Variants in CNTN1 observed in about 807,000 individuals in gnomAD.
The protein encoded by CNTN1 is contactin-1.
A neutral mutation model predicts 126.4 loss-of-function variants in CNTN1; 38 were observed. The observed-to-expected ratio is 0.30, with a 90% confidence interval of 0.23 to 0.39. The LOEUF (loss-of-function observed/expected upper bound fraction) is 0.39. Ranked by LOEUF, CNTN1 falls within the 10% of genes least tolerant of loss-of-function variation. The pLI, the probability that CNTN1 is intolerant of heterozygous loss-of-function variation, is 1.00. For synonymous variants in CNTN1, 413 were observed against 422.6 expected (o/e 0.98, Z 0.28); for missense variants, 1,009 against 1,248.4 (o/e 0.81, Z 2.89).
intron 1 of CNTN1, among the ~76,000 whole-genome samples, chr12:40,734,958 G>A (rs1224044001): frequency 6.6e-6 from 1 of 152,106 alleles, no homozygotes; most frequent in Non-Finnish European, 1.5e-5. Flanking sequence ...GGAAAAGCAT[G>A]ATGTGCAACA....
intron 1 of CNTN1, among the ~76,000 whole-genome samples, chr12:40,886,942 C>T (rs1354494908): frequency 1.3e-5 from 2 of 152,176 alleles, no homozygotes; most frequent in Non-Finnish European, 2.9e-5. Flanking sequence ...TGTTTTGGTA[C>T]CAGTACCATG....
chr12:40,781,619 T>G (rs1226687808), intron 1 of CNTN1, among the ~76,000 whole-genome samples: 1 of 152,012 alleles, frequency 6.6e-6, no homozygotes, highest in African/African-American at 2.4e-5. Flanking sequence ...CCCATTAAAT[T>G]TCATCATTAA....
chr12:40,816,302 C>A (rs1433953811), intron 1 of CNTN1, among the ~76,000 whole-genome samples: 2 of 152,100 alleles, frequency 1.3e-5, no homozygotes, highest in Admixed American at 6.5e-5. Flanking sequence ...GGTTGGTAGG[C>A]TATTAATTAC....
At chr12:40,786,078 C>T (rs527842356) in intron 1 of CNTN1, among the ~76,000 whole-genome samples, 2 of 152,196 alleles carry the variant, frequency 1.3e-5, no homozygotes, top group Non-Finnish European at 2.9e-5. Context: ...GTAGGTCAGA[C>T]GTCCAGTATG....
At chr12:40,881,595 T>C (rs1289294537) in intron 1 of CNTN1, among the ~76,000 whole-genome samples, 1 of 151,746 alleles carries the variant, frequency 6.6e-6, no homozygotes, top group African/African-American at 2.4e-5. Flanking sequence ...CTATTTTGGG[T>C]ATCACAGCTA....
intron 19 of CNTN1, among the ~76,000 whole-genome samples, chr12:41,017,169 C>T (rs1473267169): frequency 6.6e-6 from 1 of 152,108 alleles, no homozygotes; most frequent in Non-Finnish European, 1.5e-5. Context: ...AAATAATTGG[C>T]TCTGACTTCC....
intron 18 of CNTN1, among the ~76,000 whole-genome samples, chr12:41,016,163 G>A (rs1192766594): frequency 6.6e-6 from 1 of 152,108 alleles, no homozygotes; most frequent in African/African-American, 2.4e-5. Context: ...GGGATAAAGA[G>A]GAAAACAAAA....
chr12:40,811,296 CA>C (rs1171309815), intron 1 of CNTN1, among the ~76,000 whole-genome samples: 1 of 152,146 alleles, frequency 6.6e-6, no homozygotes, highest in Non-Finnish European at 1.5e-5. Context: ...ACAGGCAACA[CA>C]ATATGCCTTT....
rs117462622 is a variant in CNTN1 at position 40,892,611 on chromosome 12, T to C, written c.-76-15746T>C. On this transcript the variant is annotated intron_variant, in intron 1 of 23. Transcript: ENST00000551295. ...GAAATAGTACCTGACTTAGTTAAGA[T>C]ATTGTGCTTCGACAGGAATGCTAAT... is the stretch of plus-strand genomic sequence containing the variant. 1.9e-3 allele frequency among the ~76,000 whole-genome samples: 285 copies of C among 152,134 alleles called. 7 individuals are homozygous for C. The East Asian group carries it at 0.037, about 20-fold the overall frequency.
chr12:41,043,731 A>G (rs1444873804), intron 23 of CNTN1, among the ~76,000 whole-genome samples: 1 of 151,974 alleles, frequency 6.6e-6, no homozygotes, highest in African/African-American at 2.4e-5. Context: ...TCCCAATAGC[A>G]AAGACTTGGA....
chr12:40,757,880 T>C (rs1255345469), intron 1 of CNTN1, among the ~76,000 whole-genome samples: 3 of 152,178 alleles, frequency 2.0e-5, no homozygotes, highest in Non-Finnish European at 4.4e-5. Flanking sequence ...TATTTTCTTA[T>C]GGCTTGACAA....
intron 1 of CNTN1, among the ~76,000 whole-genome samples, chr12:40,751,444 GT>G (rs1276524961): frequency 1.3e-5 from 2 of 151,982 alleles, no homozygotes; most frequent in African/African-American, 4.8e-5. Context: ...TACATTCTAG[GT>G]TAGGTTCTTT....
chr12:40,704,041 A>T (rs1207653987), intron 1 of CNTN1, among the ~76,000 whole-genome samples: 2 of 152,192 alleles, frequency 1.3e-5, no homozygotes, highest in Non-Finnish European at 2.9e-5. Context: ...GGTTCAAATA[A>T]CAAAAAGAAA....
At chr12:40,848,294 A>G (rs951719284) in intron 1 of CNTN1, among the ~76,000 whole-genome samples, 1 of 152,124 alleles carries the variant, frequency 6.6e-6, no homozygotes, top group Non-Finnish European at 1.5e-5. Context: ...ATTTCCCCCA[A>G]TTTCATTTAT....
intron 1 of CNTN1, among the ~76,000 whole-genome samples, chr12:40,780,810 G>T (rs1939766158): frequency 6.7e-6 from 1 of 150,348 alleles, no homozygotes; most frequent in African/African-American, 2.4e-5. Flanking sequence ...TTTTTTCAGA[G>T]GTTCAGGGTT....
intron 1 of CNTN1, among the ~76,000 whole-genome samples, chr12:40,775,169 G>C (rs1010545754): frequency 1.5e-5 from 1 of 66,994 alleles, no homozygotes; most frequent in Non-Finnish European, 4.9e-5. Context: ...TAATAGGAAA[G>C]TGGTTATTTA....
At chr12:41,000,057 G>T (rs1200979554) in intron 17 of CNTN1, among the ~76,000 whole-genome samples, 1 of 152,026 alleles carries the variant, frequency 6.6e-6, no homozygotes, top group Non-Finnish European at 1.5e-5. Context: ...CTCAGTGAAT[G>T]ATCTCTGAAG....
rs1406299160 is a variant in CNTN1 at position 40,795,301 on chromosome 12, ACACACACACACACACAC to A, written c.-77+102710_-77+102726del. 1.4e-4 allele frequency among the ~76,000 whole-genome samples: 13 copies of A among 94,728 alleles called. 1 individual carries two copies. The highest frequency in any genetic ancestry group is 3.2e-4 in the African/African-American group (9 of 28,322). The allele number at this position is 94,728 out of a possible 152,430, so 62.1% of individuals were successfully genotyped here. On this transcript the variant is annotated intron_variant, in intron 1 of 23. Coordinates refer to ENST00000551295, the MANE Select transcript of CNTN1 (RefSeq NM_001843.4). ...CACACACACACACACACACACACACACACACACACACACACACATTTTTTTTTTTTTTTTGAAACAAA... is the reference window on the plus strand; with the variant it reads ...CACACACACACACACACACACACACAATTTTTTTTTTTTTTTTGAAACAAA...
intron 1 of CNTN1, among the ~76,000 whole-genome samples, chr12:40,702,100 A>AT (rs11330800): frequency 7.6e-5 from 11 of 145,444 alleles, no homozygotes; most frequent in African/African-American, 1.5e-4. Context: ...TTTGTATCGG[A>AT]TTTTTTTTTT....
Sources: allele counts gnomAD v4.1 joint callset (sites outside exome capture counted in the v4.1 genomes callset), GRCh38; gene constraint gnomAD v4.1.1; transcripts MANE v1.5; gene names NCBI Gene and HGNC (gene_info 2026-07-23, HGNC 2026-07-21).